RTN4: variants seen among roughly 807,000 people sequenced by gnomAD.
The protein encoded by RTN4 is reticulon 4.
Under a neutral mutation model 90.4 loss-of-function variants are expected in RTN4, and 32 were observed. The ratio of observed to expected loss-of-function variants is 0.35; its 90% confidence interval spans 0.27 to 0.48. The LOEUF is 0.48. RTN4 is among the 20% of genes least tolerant of loss of function. RTN4 has a pLI of 0.99. For synonymous variants in RTN4, 629 were observed against 552.5 expected (o/e 1.14, Z -1.94); for missense variants, 1,706 against 1,430.2 (o/e 1.19, Z -3.11).
At chr2:55,065,212 C>T (rs1305535986) in intron 2 of RTN4, among the ~76,000 whole-genome samples, 1 of 152,176 alleles carries the variant, frequency 6.6e-6, no homozygotes, top group Non-Finnish European at 1.5e-5. Flanking sequence ...ACATAAATAG[C>T]ATTTTACTAG....
chr2:55,071,902 G>A (rs1668520927), intron 2 of RTN4, among the ~76,000 whole-genome samples: 1 of 152,108 alleles, frequency 6.6e-6, no homozygotes, highest in Non-Finnish European at 1.5e-5. Context: ...TGAGAATTTT[G>A]GAACCCCAAA....
chr2:55,096,442 T>C (rs1327541851), intron 1 of RTN4, among the ~76,000 whole-genome samples: 1 of 152,138 alleles, frequency 6.6e-6, no homozygotes, highest in Non-Finnish European at 1.5e-5. Flanking sequence ...ATCCCTGGAA[T>C]CTATCATTCA....
intron 2 of RTN4, among the ~76,000 whole-genome samples, chr2:55,062,032 A>C (rs990319231): frequency 6.6e-6 from 1 of 152,158 alleles, no homozygotes; most frequent in Non-Finnish European, 1.5e-5. Context: ...CGTCAAGAGC[A>C]CGTCAAGAGC....
intron 3 of RTN4, among the ~76,000 whole-genome samples, chr2:54,991,145 A>G (rs192030190): frequency 9.2e-5 from 14 of 152,320 alleles, no homozygotes; most frequent in African/African-American, 3.4e-4. Flanking sequence ...AACTGCTCAG[A>G]AACATTAATT....
chr2:55,050,366 G>C lies in RTN4; in HGVS notation c.-66C>G. ...CGCCGGGGCCGCGTCTCAGAGCCGCGGGCGGTTGTGGGGGTTGGGGAGGAC... is the reference window on the plus strand; with the variant it reads ...CGCCGGGGCCGCGTCTCAGAGCCGCCGGCGGTTGTGGGGGTTGGGGAGGAC... On this transcript the variant is annotated 5_prime_UTR_variant, in exon 1 of 9. Transcript: ENST00000337526. This position sits in a 1 kb window ranked among gnomAD's most constrained non-coding sequence, Gnocchi z 4.6. 1 of 1,099,014 alleles carries C rather than the reference G, an allele frequency of 9.1e-7. No individual in the cohort carries two copies. Among genetic ancestry groups the C allele is most frequent in the Non-Finnish European group, 1.2e-6 (1 of 823,680 alleles). The allele number at this position is 1,099,014 out of a possible 1,614,324, so 68.1% of individuals were successfully genotyped here. A position where few individuals can be genotyped will look rare whatever the true frequency, so the allele number is the denominator to read the frequency against.
intron 1 of RTN4, among the ~76,000 whole-genome samples, chr2:55,096,340 G>A (rs1669033958): frequency 6.7e-6 from 1 of 149,794 alleles, no homozygotes; most frequent in Admixed American, 6.7e-5. Flanking sequence ...AAAAAAAAAA[G>A]AGTGCATGCT....
At position 55,040,474 on chromosome 2, in the gene RTN4, G is replaced by T. The variant is rs946289416; in HGVS notation, c.556+9271C>A. ...TTTTAGGTCACCTCCATCTACGGTTGTCAGGGCACTGAGATAAATGAACTC... is the reference window on the plus strand; with the variant it reads ...TTTTAGGTCACCTCCATCTACGGTTTTCAGGGCACTGAGATAAATGAACTC... On this transcript the variant is annotated intron_variant, in intron 1 of 8. Transcript: ENST00000337526. Among the ~76,000 whole-genome samples the T allele has an allele frequency of 1.4e-4, 21 of 152,176 alleles. 1 individual carries two copies. The highest frequency in any genetic ancestry group is 4.6e-4 in the African/African-American group (19 of 41,548).
At chr2:55,052,868 T>A (rs1358863464), upstream of RTN4, among the ~76,000 whole-genome samples, 2 of 152,206 alleles carry the variant, frequency 1.3e-5, no homozygotes, top group African/African-American at 4.8e-5. Context: ...ATGATAAGTT[T>A]CACAGGGCCT....
rs1558822424 is a variant in RTN4, at chr2:55,026,459, G to A, written c.1640C>T (p.Pro547Leu). 6.2e-7 allele frequency: 1 copy of A among 1,613,904 alleles called. No homozygotes were observed. Among genetic ancestry groups the A allele is most frequent in the Non-Finnish European group, 8.5e-7 (1 of 1,179,900 alleles). Residue 547 changes from proline (P) to leucine (L), a missense_variant, in exon 3 of 9, where the codon CCT (proline) becomes CTT (leucine). Physicochemically the swap from Pro to Leu is moderately conservative, Grantham distance 98. Coordinates refer to ENST00000337526, the MANE Select transcript of RTN4 (RefSeq NM_020532.5). ...KVTEEVVANM[P>L]EGLTPDLVQE... ...TACTAAATCTGGAGTCAGGCCTTCAGGCATGTTTGCCACGACTTCCTCAGT... is the reference window on the plus strand; with the variant it reads ...TACTAAATCTGGAGTCAGGCCTTCAAGCATGTTTGCCACGACTTCCTCAGT...
intron 1 of RTN4, among the ~76,000 whole-genome samples, chr2:55,089,990 T>C (rs536901396): frequency 5.6e-4 from 85 of 152,328 alleles, no homozygotes; most frequent in African/African-American, 1.9e-3. Context: ...GCACGAGGAA[T>C]TGTTAAAGTT....
chr2:55,106,419 C>G (rs917122354), intron 1 of RTN4, among the ~76,000 whole-genome samples: 4 of 152,080 alleles, frequency 2.6e-5, no homozygotes, highest in African/African-American at 9.7e-5. Flanking sequence ...CTTTGTGTCT[C>G]CCAAAGCCCT....
chr2:54,998,840 G>T (rs1679646615), intron 3 of RTN4, among the ~76,000 whole-genome samples: 1 of 152,062 alleles, frequency 6.6e-6, no homozygotes, highest in South Asian at 2.1e-4. Flanking sequence ...CCTTATTTTT[G>T]AAAAACCAAA....
intron 3 of RTN4, among the ~76,000 whole-genome samples, chr2:55,012,303 C>A (rs1342537297): frequency 6.6e-6 from 1 of 152,064 alleles, no homozygotes; most frequent in Non-Finnish European, 1.5e-5. Flanking sequence ...TAATAGCACC[C>A]CTGACAGATT....
At chr2:55,064,410 ACT>A (rs1668355595) in intron 2 of RTN4, among the ~76,000 whole-genome samples, 1 of 143,860 alleles carries the variant, frequency 7.0e-6, no homozygotes. Flanking sequence ...GTGCAGTGGC[ACT>A]TGATCTCGGC....
At chr2:55,114,571 C>T (rs982190324), upstream of RTN4, among the ~76,000 whole-genome samples, 1 of 152,140 alleles carries the variant, frequency 6.6e-6, no homozygotes, top group African/African-American at 2.4e-5. Flanking sequence ...TGGTGACGCA[C>T]GCCTGTAATC....
intron 3 of RTN4, among the ~76,000 whole-genome samples, chr2:55,024,839 A>G (rs1231517089): frequency 8.5e-5 from 13 of 152,198 alleles, no homozygotes. Flanking sequence ...ATAAACAAAA[A>G]TATTTTCTAT....
chr2:55,127,178 C>T, the RTN4 span, among the ~76,000 whole-genome samples: 82 of 152,066 alleles, frequency 5.4e-4, no homozygotes, highest in Non-Finnish European at 1.1e-3. Flanking sequence ...TTAAAAGTAA[C>T]CTTTAATTAA....
intron 1 of RTN4, among the ~76,000 whole-genome samples, chr2:55,047,583 A>G (rs2104970572): frequency 6.6e-6 from 1 of 152,214 alleles, no homozygotes; most frequent in Admixed American, 6.5e-5. Context: ...GAGAAAAAAA[A>G]AAATCAGACT....
At chr2:55,081,227 C>G (rs1012510549) in intron 1 of RTN4, among the ~76,000 whole-genome samples, 2 of 152,134 alleles carry the variant, frequency 1.3e-5, no homozygotes, top group Non-Finnish European at 2.9e-5. Flanking sequence ...GTGCTCGCCA[C>G]CATGCCCTGC....
Sources: allele counts gnomAD v4.1 joint callset (sites outside exome capture counted in the v4.1 genomes callset), GRCh38; gene constraint gnomAD v4.1.1; non-coding constraint Gnocchi (gnomAD v3.1); transcripts MANE v1.5; gene names NCBI Gene and HGNC (gene_info 2026-07-23, HGNC 2026-07-21).